VPS35L: variants seen among roughly 807,000 people sequenced by gnomAD.
The protein encoded by VPS35L is VPS35 endosomal protein sorting factor like.
VPS35L carries 83 observed loss-of-function variants against 133.0 expected under a neutral mutation model. That is an observed-to-expected ratio of 0.62 (90% CI 0.52 to 0.75). The LOEUF is 0.75. VPS35L is among the 30% of genes least tolerant of loss of function. VPS35L has a pLI of 0.00. For missense variants in VPS35L, 1,083 were observed against 1,206.8 expected, an observed-to-expected ratio of 0.90 and a Z score of 1.52; for synonymous variants, 423 against 449.9, an observed-to-expected ratio of 0.94 and a Z score of 0.76.
chr16:19,615,662 A>C (rs1452946087), intron 12 of VPS35L, among the ~76,000 whole-genome samples: 5 of 146,008 alleles, frequency 3.4e-5, no homozygotes, highest in Non-Finnish European at 6.0e-5. Context: ...AACAAAACAA[A>C]AAACAGATAA....
At chr16:19,690,717 G>A (rs1453983472) in intron 28 of VPS35L, among the ~76,000 whole-genome samples, 1 of 152,168 alleles carries the variant, frequency 6.6e-6, no homozygotes, top group East Asian at 1.9e-4. Flanking sequence ...TTGGGAGGCC[G>A]AGGCAGGCGG....
chr16:19,663,712 TAAGCTG>T (rs1974569667), intron 26 of VPS35L, among the ~76,000 whole-genome samples: 1 of 137,234 alleles, frequency 7.3e-6, no homozygotes, highest in African/African-American at 2.8e-5. Flanking sequence ...TTTGGAACTT[TAAGCTG>T]TTTTCACTTT....
At chr16:19,681,566 A>T (rs1047734985) in intron 27 of VPS35L, among the ~76,000 whole-genome samples, 6 of 152,170 alleles carry the variant, frequency 3.9e-5, no homozygotes, top group Non-Finnish European at 8.8e-5. Flanking sequence ...AGACTCACAT[A>T]CACCTTTTTG....
chr16:19,577,923 T>C (rs1054206997), intron 5 of VPS35L, among the ~76,000 whole-genome samples: 2 of 152,196 alleles, frequency 1.3e-5, no homozygotes, highest in African/African-American at 4.8e-5. Context: ...CTGCGAGAAA[T>C]ACATTGCTCT....
intron 8 of VPS35L, among the ~76,000 whole-genome samples, chr16:19,599,537 C>CA (rs1262293487): frequency 6.9e-6 from 1 of 145,590 alleles, no homozygotes. Flanking sequence ...CTCCAAAATA[C>CA]TTTTTTTTTT....
chr16:19,618,456 T>G (rs1972969691), intron 14 of VPS35L, among the ~76,000 whole-genome samples: 2 of 152,184 alleles, frequency 1.3e-5, no homozygotes, highest in African/African-American at 4.8e-5. Flanking sequence ...TGGGGCCATT[T>G]AAAATGATGG....
chr16:19,623,802 A>G (rs1197229516), intron 14 of VPS35L, among the ~76,000 whole-genome samples: 3 of 98,044 alleles, frequency 3.1e-5, no homozygotes, highest in Admixed American at 1.9e-4. Flanking sequence ...TATTATTATT[A>G]TTATTATTAT....
chr16:19,675,421 C>G (rs1975031566), intron 27 of VPS35L, among the ~76,000 whole-genome samples: 1 of 152,102 alleles, frequency 6.6e-6, no homozygotes, highest in East Asian at 1.9e-4. Context: ...GTGAATAATG[C>G]TGCAATGAGC....
intron 8 of VPS35L, among the ~76,000 whole-genome samples, chr16:19,598,891 G>A (rs546252493): frequency 6.6e-6 from 1 of 152,216 alleles, no homozygotes; most frequent in African/African-American, 2.4e-5. Flanking sequence ...AAGGTGTTTT[G>A]TGCTGGGTTC....
intron 7 of VPS35L, among the ~76,000 whole-genome samples, chr16:19,585,169 T>C (rs950263599): frequency 2.0e-5 from 3 of 152,202 alleles, no homozygotes; most frequent in Admixed American, 2.0e-4. Flanking sequence ...CTGGCTGTTA[T>C]GAATAATGCT....
chr16:19,587,938 T>C (rs1057297915), intron 7 of VPS35L, among the ~76,000 whole-genome samples: 4 of 151,518 alleles, frequency 2.6e-5, no homozygotes, highest in Admixed American at 1.3e-4. Flanking sequence ...TAGCTGGGAT[T>C]ATAGGTGTGC....
chr16:19,694,849 T>C (rs1261060036), intron 29 of VPS35L, among the ~76,000 whole-genome samples: 1 of 151,750 alleles, frequency 6.6e-6, no homozygotes, highest in Non-Finnish European at 1.5e-5. Flanking sequence ...CTACTAAAAA[T>C]ACAAAAATTA....
At position 19,616,788 on chromosome 16, in the gene VPS35L, A is replaced by C. The variant is rs1391304288; in HGVS notation, c.1204A>C (p.Ile402Leu). The change falls in exon 14 of 31, where the codon ATC becomes CTC. Residue 402 changes from isoleucine to leucine, a missense_variant. Physicochemically the swap from Ile to Leu is conservative, Grantham distance 5. Coordinates refer to ENST00000417362, the MANE Select transcript of VPS35L (RefSeq NM_020314.7). ...TGCCATGGACTGGATCTTCCAGTGC[A>C]TCTCCTACCATGCCCCCGAGGTAAC... ...PPAMDWIFQC[I>L]SYHAPEALLT... The C allele has an allele frequency of 6.2e-7, 1 of 1,614,022 alleles. No individual in the cohort carries two copies. Among genetic ancestry groups the C allele is most frequent in the East Asian group, 2.2e-5 (1 of 44,888 alleles).
In VPS35L at chr16:19,691,369, C is replaced by T; in HGVS notation, c.2544C>T (p.Ser848=). Residue 848 remains serine (S), a synonymous_variant, in exon 29 of 31, where the codon AGC becomes AGT. Transcript: ENST00000417362. ...GTTCAACAGTGGACTCCAACGACAG[C>T]CTCTACGGGGGAGACTCCAAGTTCC... is the stretch of plus-strand genomic sequence containing the variant. The part of the protein sequence containing the change: ...YHIDKVDSND[S]LYGGDSKFLA... The T allele has an allele frequency of 6.2e-7, 1 of 1,613,644 alleles. No individual in the cohort carries two copies. The highest frequency in any genetic ancestry group is 1.7e-4 in the Middle Eastern group (1 of 6,058).
intron 27 of VPS35L, among the ~76,000 whole-genome samples, chr16:19,672,219 C>A (rs1974901218): frequency 1.3e-5 from 2 of 152,192 alleles, no homozygotes; most frequent in East Asian, 1.9e-4. Flanking sequence ...TCCCCAGTAC[C>A]TGGGATTACA....
chr16:19,569,498 C>G lies in VPS35L; in HGVS notation c.192C>G (p.Ser64=), dbSNP rs146118670. 1 of 1,610,652 alleles carries G rather than the reference C, an allele frequency of 6.2e-7. No homozygotes were observed. Among genetic ancestry groups the G allele is most frequent in the Non-Finnish European group, 8.5e-7 (1 of 1,178,478 alleles). The change falls in exon 3 of 31, where the codon TCC becomes TCG. Residue 64 remains serine, a synonymous_variant. Transcript: ENST00000417362. ...TSSTSSSSSS[S]VVDPLSSVLD... ...CCACGTCCTCCTCCTCCTCCAGCTC[C>G]GTGGTGGACCCGCTGAGCAGCGTCC... is the stretch of plus-strand genomic sequence containing the variant.
At chr16:19,657,281 TATC>T (rs1334784785) in intron 26 of VPS35L, among the ~76,000 whole-genome samples, 1 of 152,156 alleles carries the variant, frequency 6.6e-6, no homozygotes, top group Non-Finnish European at 1.5e-5. Context: ...ATGATTTTAT[TATC>T]ATTAATAATC....
intron 7 of VPS35L, among the ~76,000 whole-genome samples, chr16:19,591,285 G>A (rs914476951): frequency 3.3e-5 from 5 of 152,148 alleles, no homozygotes; most frequent in African/African-American, 1.2e-4. Flanking sequence ...AACAAAGATG[G>A]GGCCACAGAT....
At position 19,569,474 on chromosome 16, in the gene VPS35L, C is replaced by T. The variant is rs1413039789; in HGVS notation, c.168C>T (p.Ser56=). 6.2e-7 allele frequency: 1 copy of T among 1,607,790 alleles called. No individual in the cohort carries two copies. The highest frequency in any genetic ancestry group is 1.7e-5 in the Admixed American group (1 of 59,146). The change falls in exon 3 of 31, where the codon TCC becomes TCT. Residue 56 remains serine (S), a synonymous_variant. Coordinates refer to ENST00000417362, the MANE Select transcript of VPS35L (RefSeq NM_020314.7). ...TGAACCGGAAAGGAAGCACTTCTTC[C>T]ACGTCCTCCTCCTCCTCCAGCTCCG... ...KKVNRKGSTS[S]TSSSSSSSVV...
Sources: allele counts gnomAD v4.1 joint callset (sites outside exome capture counted in the v4.1 genomes callset), GRCh38; gene constraint gnomAD v4.1.1; transcripts MANE v1.5; gene names NCBI Gene and HGNC (gene_info 2026-07-23, HGNC 2026-07-21).